The following IQCH variants were observed in gnomAD, a reference collection of about 807,000 sequenced individuals.
IQCH encodes the protein IQ domain-containing protein H.
In IQCH, 98 loss-of-function variants were observed where a neutral mutation model predicts 117.0. That is an observed-to-expected ratio of 0.84 (90% CI 0.71 to 0.99). IQCH has a LOEUF of 0.99. Among genes scored for constraint, IQCH ranks in the 50% least tolerant of loss-of-function variants. IQCH has a pLI of 0.00. For synonymous variants in IQCH, 412 were observed against 448.2 expected, an observed-to-expected ratio of 0.92 and a Z score of 1.02; for missense variants, 1,102 against 1,243.8, an observed-to-expected ratio of 0.89 and a Z score of 1.72.
chr15:67,422,034 G>T lies in IQCH; in HGVS notation c.2505+457G>T, dbSNP rs564589129. Among the ~76,000 whole-genome samples, 1 of 151,922 alleles carries T rather than the reference G, an allele frequency of 6.6e-6. No homozygotes were observed. The highest frequency in any genetic ancestry group is 2.4e-5 in the African/African-American group (1 of 41,312). On this transcript the variant is annotated intron_variant, in intron 16 of 20. Transcript: ENST00000335894. This position sits in a 1 kb window ranked among gnomAD's most constrained non-coding sequence, Gnocchi z 4.7. ...GAATCACTTGAACCCGGGAGGCAGA[G>T]GTTGCAATGAGCCGAGATCATGCTA...
Position 67,416,979 on chromosome 15 carries a change from C to T in IQCH, c.2146C>T (p.Gln716Ter), listed in dbSNP as rs1159706824. 6.2e-7 allele frequency: 1 copy of T among 1,611,094 alleles called. No individual in the cohort carries two copies. Among genetic ancestry groups the T allele is most frequent in the Non-Finnish European group, 8.5e-7 (1 of 1,178,650 alleles). ...ISEELAGILAQHAQPVNEKRF... is the reference protein window; with the variant it reads ...ISEELAGILA ...TGAGGAGCTGGCGGGCATTTTAGCA[C>T]AGCACGCACAGCCAGTCAATGAGAA... The change falls in exon 15 of 21, where the codon CAG (glutamine) becomes TAG (stop). Residue 716 changes from glutamine to a stop codon, truncating the protein, a stop_gained. Coordinates refer to ENST00000335894, the MANE Select transcript of IQCH (RefSeq NM_001031715.3). LOFTEE classifies it high-confidence loss of function. The surrounding 1 kb of genome is among the most constrained non-coding windows in gnomAD (Gnocchi z 5.1).
chr15:67,394,182 T>C lies in IQCH; in HGVS notation c.1633-1109T>C, dbSNP rs144555845. Among the ~76,000 whole-genome samples, 301 of 152,326 alleles carry C rather than the reference T, an allele frequency of 2.0e-3. 1 individual carries two copies. Among genetic ancestry groups the C allele is most frequent in the African/African-American group, 7.0e-3 (289 of 41,568 alleles). On this transcript the variant is annotated intron_variant, in intron 12 of 20. Transcript: ENST00000335894. ...AGGTAATGTCTTTCCCATGCCCATCTTCACCTGATAAAATCCCACCCATCC... is the reference window on the plus strand; with the variant it reads ...AGGTAATGTCTTTCCCATGCCCATCCTCACCTGATAAAATCCCACCCATCC...
chr15:67,361,884 G>A lies in IQCH; in HGVS notation c.753+1999G>A, dbSNP rs1432022094. 2.0e-5 allele frequency among the ~76,000 whole-genome samples: 3 copies of A among 152,144 alleles called. No homozygotes were observed. In the East Asian group the frequency reaches 5.8e-4, roughly 29 times the overall value. On this transcript the variant is annotated intron_variant, in intron 8 of 20. Coordinates refer to ENST00000335894, the MANE Select transcript of IQCH (RefSeq NM_001031715.3). The stretch of plus-strand genomic sequence containing the variant: ...AGGTTTGAGGTTGTTAAAATTGCCT[G>A]TCAGGAAATAAATCTTTTTATTATC...
intron 3 of IQCH, among the ~76,000 whole-genome samples, chr15:67,269,770 A>G (rs1965825728): frequency 6.6e-6 from 1 of 151,328 alleles, no homozygotes; most frequent in African/African-American, 2.4e-5. Flanking sequence ...TTCACTCAAC[A>G]TAATAACCTC....
intron 4 of IQCH, among the ~76,000 whole-genome samples, chr15:67,330,717 C>T (rs561108475): frequency 1.9e-3 from 288 of 152,308 alleles, no homozygotes; most frequent in Admixed American, 2.4e-3. Context: ...ATGCATTTTT[C>T]ATTCTGCCTC....
intron 6 of IQCH, among the ~76,000 whole-genome samples, chr15:67,346,550 G>T (rs2120836): frequency 0.45 from 68,633 of 151,924 alleles, 15,993 homozygotes; most frequent in Non-Finnish European, 0.52. Context: ...TGCTGCTGCT[G>T]ATCTGACAGG....
chr15:67,311,843 G>A (rs1289408735), intron 4 of IQCH, among the ~76,000 whole-genome samples: 1 of 151,930 alleles, frequency 6.6e-6, no homozygotes, highest in African/African-American at 2.4e-5. Context: ...TTTTTAACAA[G>A]AGCAAATCCG....
In IQCH at chr15:67,463,096, A is replaced by T. The variant is rs1329062510; in HGVS notation, c.2506-2031A>T. 6.6e-6 allele frequency among the ~76,000 whole-genome samples: 1 copy of T among 152,214 alleles called. No individual in the cohort carries two copies. Among genetic ancestry groups the T allele is most frequent in the Non-Finnish European group, 1.5e-5 (1 of 68,042 alleles). ...ATGACGCCATTTACATTCAATGCTT[A>T]CTCAAGTCACTCACTGCTAGATTTG... is the stretch of plus-strand genomic sequence containing the variant. On this transcript the variant is annotated intron_variant, in intron 16 of 20. Transcript: ENST00000335894. This position sits in a 1 kb window ranked among gnomAD's most constrained non-coding sequence, Gnocchi z 4.0.
chr15:67,460,785 G>T (rs867381791), intron 16 of IQCH, among the ~76,000 whole-genome samples: 11 of 152,082 alleles, frequency 7.2e-5, no homozygotes, highest in Admixed American at 3.9e-4. Flanking sequence ...CACCACAGTC[G>T]CTCCATTTAT....
At position 67,395,499 on chromosome 15, in the gene IQCH, G is replaced by A. The variant is rs141759289; in HGVS notation, c.1841G>A (p.Arg614His). 39 of 1,613,884 alleles carry A rather than the reference G, an allele frequency of 2.4e-5. No individual in the cohort carries two copies. Among genetic ancestry groups the A allele is most frequent in the East Asian group, 8.9e-5 (4 of 44,866 alleles). ...TATAGTACCAAATCTGGAGGCAAAC[G>A]TGTCTTTGACAGTGCCAATGTGGCA... ...HLYSTKSGGK[R>H]VFDSANVAVP... The change falls in exon 13 of 21, where the codon CGT (arginine) becomes CAT (histidine). Residue 614 changes from arginine to histidine, a missense_variant. Coordinates refer to ENST00000335894, the MANE Select transcript of IQCH (RefSeq NM_001031715.3). The surrounding 1 kb of genome is among the most constrained non-coding windows in gnomAD (Gnocchi z 4.0).
At chr15:67,374,858 A>C (rs1970683973) in intron 10 of IQCH, among the ~76,000 whole-genome samples, 1 of 152,228 alleles carries the variant, frequency 6.6e-6, no homozygotes, top group Admixed American at 6.5e-5. Flanking sequence ...AATAAGGTGC[A>C]GGAGGCTTTG....
At chr15:67,382,014 A>G (rs2140820863) in intron 10 of IQCH, among the ~76,000 whole-genome samples, 1 of 152,078 alleles carries the variant, frequency 6.6e-6, no homozygotes, top group African/African-American at 2.4e-5. Context: ...TTTTTTGAGT[A>G]CGGGCTTCAC....
intron 4 of IQCH, among the ~76,000 whole-genome samples, chr15:67,303,686 A>G (rs1180028341): frequency 6.6e-6 from 1 of 152,146 alleles, no homozygotes; most frequent in East Asian, 1.9e-4. Flanking sequence ...ACAACTATCT[A>G]GTGCCCCTTG....
intron 19 of IQCH, among the ~76,000 whole-genome samples, chr15:67,492,623 G>A (rs1486937699): frequency 6.6e-6 from 1 of 152,194 alleles, no homozygotes; most frequent in African/African-American, 2.4e-5. Context: ...ACCCAGGCTG[G>A]TAGGGGGTGG....
chr15:67,464,246 T>A (rs1199292582), intron 16 of IQCH, among the ~76,000 whole-genome samples: 1 of 152,162 alleles, frequency 6.6e-6, no homozygotes, highest in African/African-American at 2.4e-5. Flanking sequence ...GCTTCTGGAT[T>A]CAGTGTGGGG....
intron 16 of IQCH, among the ~76,000 whole-genome samples, chr15:67,428,966 C>T (rs900022636): frequency 6.6e-6 from 1 of 152,006 alleles, no homozygotes; most frequent in Non-Finnish European, 1.5e-5. Context: ...ATGGCATGAG[C>T]CAATGAAGGC....
chr15:67,263,181 T>A lies in IQCH; in HGVS notation c.234T>A (p.Asn78Lys). The change falls in exon 3 of 21, where the codon AAT (asparagine) becomes AAA (lysine). Residue 78 changes from asparagine to lysine, a missense_variant. This residue lies in a region of IQCH where 452 missense variants were observed against 449.6 expected (regional missense o/e 1.01). Coordinates refer to ENST00000335894, the MANE Select transcript of IQCH (RefSeq NM_001031715.3). ...VNQNVLTTSV[N>K]DESLYTPQAS... ...AGAATGTATTAACGACTTCTGTTAATGATGAGAGCTTATATACTCCCCAGG... is the reference window on the plus strand; with the variant it reads ...AGAATGTATTAACGACTTCTGTTAAAGATGAGAGCTTATATACTCCCCAGG... The A allele has an allele frequency of 6.3e-7, 1 of 1,577,296 alleles. No individual in the cohort carries two copies. Among genetic ancestry groups the A allele is most frequent in the Non-Finnish European group, 8.7e-7 (1 of 1,146,516 alleles).
chr15:67,402,968 C>T (rs1197064444), intron 14 of IQCH, among the ~76,000 whole-genome samples: 1 of 152,164 alleles, frequency 6.6e-6, no homozygotes, highest in East Asian at 1.9e-4. Flanking sequence ...ATCATCTGGG[C>T]CGGGCATGGT....
At chr15:67,368,537 G>A (rs1970413275) in intron 8 of IQCH, among the ~76,000 whole-genome samples, 1 of 152,164 alleles carries the variant, frequency 6.6e-6, no homozygotes, top group Non-Finnish European at 1.5e-5. Context: ...AGAGCCATAA[G>A]GTGCAGAAAG....
Sources: allele counts gnomAD v4.1 joint callset (sites outside exome capture counted in the v4.1 genomes callset), GRCh38; gene constraint gnomAD v4.1.1; regional missense constraint gnomAD v4.1.1; non-coding constraint Gnocchi (gnomAD v3.1); transcripts MANE v1.5; gene names NCBI Gene and HGNC (gene_info 2026-07-23, HGNC 2026-07-21).